The following TMEM178B variants were observed in gnomAD, a reference collection of about 807,000 sequenced individuals.
TMEM178B encodes the protein transmembrane protein 178B.
TMEM178B carries 5 observed loss-of-function variants against 31.0 expected under a neutral mutation model. The ratio of observed to expected loss-of-function variants is 0.16; its 90% CI spans 0.08 to 0.34. The LOEUF is 0.34. Among genes scored for constraint, TMEM178B ranks in the 10% least tolerant of loss-of-function variants. The pLI is 1.00. For synonymous variants in TMEM178B, 164 were observed against 164.0 expected, an observed-to-expected ratio of 1.00 and a Z score of 0.00; for missense variants, 275 against 400.3, an observed-to-expected ratio of 0.69 and a Z score of 2.67.
chr7:141,191,481 A>C (rs925543630), intron 1 of TMEM178B, among the ~76,000 whole-genome samples: 1 of 152,198 alleles, frequency 6.6e-6, no homozygotes. Flanking sequence ...GCCACTCACG[A>C]CAGTGTCTGG....
At chr7:141,380,279 C>CA (rs1800290139) in intron 2 of TMEM178B, among the ~76,000 whole-genome samples, 1 of 151,926 alleles carries the variant, frequency 6.6e-6, no homozygotes, top group African/African-American at 2.4e-5. Context: ...TCACTGTGCA[C>CA]AAAATCTAAT....
intron 1 of TMEM178B, among the ~76,000 whole-genome samples, chr7:141,192,006 G>T (rs563103359): frequency 6.6e-6 from 1 of 152,266 alleles, no homozygotes; most frequent in South Asian, 2.1e-4. Flanking sequence ...CTGGTTTAAG[G>T]TGCAAGGTGT....
intron 3 of TMEM178B, among the ~76,000 whole-genome samples, chr7:141,442,259 C>T (rs1015878675): frequency 6.6e-6 from 1 of 152,156 alleles, no homozygotes; most frequent in African/African-American, 2.4e-5. Context: ...AGACATCCAT[C>T]ACCTCCTCCC....
At chr7:141,206,590 T>C (rs12703369) in intron 1 of TMEM178B, among the ~76,000 whole-genome samples, 100,417 of 151,942 alleles carry the variant, frequency 0.66, 33,635 homozygotes, top group Middle Eastern at 0.7. Flanking sequence ...TGTGACTCTC[T>C]GCCAAAGGCC....
rs565915003 is a variant in TMEM178B, at chr7:141,286,608, C to T, written c.496+73904C>T. On this transcript the variant is annotated intron_variant, in intron 2 of 3. Coordinates refer to ENST00000565468, the MANE Select transcript of TMEM178B (RefSeq NM_001195278.2). ...CATTTGCTGTCCATGCGAGCCTGTCCAACCTCGGGGAGAATCACACTTACC... is the reference window on the plus strand; with the variant it reads ...CATTTGCTGTCCATGCGAGCCTGTCTAACCTCGGGGAGAATCACACTTACC... 6.6e-4 allele frequency among the ~76,000 whole-genome samples: 101 copies of T among 152,298 alleles called. 1 individual carries two copies. In the South Asian group the frequency reaches 0.019, roughly 28 times the overall value.
chr7:141,226,817 C>G (rs529927839), intron 2 of TMEM178B, among the ~76,000 whole-genome samples: 113 of 145,158 alleles, frequency 7.8e-4, no homozygotes, highest in African/African-American at 2.9e-3. Flanking sequence ...GAAGTTGCAC[C>G]ACTGCACTCC....
At chr7:141,358,540 T>G (rs753747588) in intron 2 of TMEM178B, among the ~76,000 whole-genome samples, 34 of 152,286 alleles carry the variant, frequency 2.2e-4, no homozygotes, top group Middle Eastern at 6.8e-3. Flanking sequence ...AAACCAACTC[T>G]TTGTATACAT....
rs1802060943 is a variant in TMEM178B, at chr7:141,461,609, A to G, written c.635-8927A>G. 6.6e-6 allele frequency among the ~76,000 whole-genome samples: 1 copy of G among 152,194 alleles called. No homozygotes were observed. The highest frequency in any genetic ancestry group is 2.4e-5 in the African/African-American group (1 of 41,448). On this transcript the variant is annotated intron_variant, in intron 3 of 3. Coordinates refer to ENST00000565468, the MANE Select transcript of TMEM178B (RefSeq NM_001195278.2). This position sits in a 1 kb window ranked among gnomAD's most constrained non-coding sequence, Gnocchi z 4.0. ...TTCTGCTGCCTAGCCTGAGGCCTCA[A>G]TTTTGATGCTGTTTCTCCACAGCGT...
intron 2 of TMEM178B, among the ~76,000 whole-genome samples, chr7:141,365,709 G>A (rs1005791119): frequency 6.6e-6 from 1 of 152,208 alleles, no homozygotes; most frequent in Non-Finnish European, 1.5e-5. Flanking sequence ...ATGACATTCT[G>A]TCTGCAGGTG....
rs144568135 is a variant in TMEM178B at position 141,278,342 on chromosome 7, G to A, written c.496+65638G>A. 3.5e-3 allele frequency among the ~76,000 whole-genome samples: 534 copies of A among 152,344 alleles called. 2 individuals carry two copies. Among genetic ancestry groups the A allele is most frequent in the African/African-American group, 0.012 (512 of 41,586 alleles). On this transcript the variant is annotated intron_variant, in intron 2 of 3. Coordinates refer to ENST00000565468, the MANE Select transcript of TMEM178B (RefSeq NM_001195278.2). ...CGCACCTGTAGTCCCAACACTTTGGGAGGCCGAGGCCAGTAGATCACTTGA... is the reference window on the plus strand; with the variant it reads ...CGCACCTGTAGTCCCAACACTTTGGAAGGCCGAGGCCAGTAGATCACTTGA...
intron 2 of TMEM178B, chr7:141,416,527 AT>A (rs1178414149): frequency 6.6e-6 from 1 of 152,192 alleles, no homozygotes; most frequent in East Asian, 1.9e-4. Flanking sequence ...TGCCTTAAAT[AT>A]TTTACCCATC....
intron 1 of TMEM178B, among the ~76,000 whole-genome samples, chr7:141,091,166 C>T (rs1348749411): frequency 1.3e-5 from 2 of 151,952 alleles, no homozygotes; most frequent in Non-Finnish European, 2.9e-5. Flanking sequence ...CACTTTCTGC[C>T]CAAGTTGTAT....
chr7:141,443,263 A>T (rs1801694472), intron 3 of TMEM178B, among the ~76,000 whole-genome samples: 1 of 152,320 alleles, frequency 6.6e-6, no homozygotes, highest in South Asian at 2.1e-4. Context: ...GTTATTACTA[A>T]TGAGTAAATA....
chr7:141,488,896 A>G, the TMEM178B span, among the ~76,000 whole-genome samples: 25 of 152,026 alleles, frequency 1.6e-4, no homozygotes, highest in African/African-American at 5.3e-4. Context: ...TCTTAAATTT[A>G]ATTTTTTTCC....
intron 2 of TMEM178B, among the ~76,000 whole-genome samples, chr7:141,402,696 T>A (rs867006693): frequency 6.6e-6 from 1 of 152,174 alleles, no homozygotes; most frequent in Non-Finnish European, 1.5e-5. Flanking sequence ...GAGATAGATG[T>A]TGTAACTTTG....
intron 2 of TMEM178B, among the ~76,000 whole-genome samples, chr7:141,351,374 A>C (rs1461139282): frequency 6.6e-6 from 1 of 152,256 alleles, no homozygotes; most frequent in Non-Finnish European, 1.5e-5. Context: ...GAATGGCCTT[A>C]GCCGGAACGG....
At chr7:141,172,110 A>AT (rs1215527558) in intron 1 of TMEM178B, among the ~76,000 whole-genome samples, 5 of 152,202 alleles carry the variant, frequency 3.3e-5, no homozygotes, top group African/African-American at 1.2e-4. Flanking sequence ...GCATATAGAG[A>AT]TTAAATACCT....
chr7:141,229,773 AAAAATAG>A (rs998430333), intron 2 of TMEM178B, among the ~76,000 whole-genome samples: 1 of 152,126 alleles, frequency 6.6e-6, no homozygotes, highest in African/African-American at 2.4e-5. Flanking sequence ...AAATTAAAAA[AAAAATAG>A]TGGAGAGGAT....
At chr7:141,278,827 TA>T (rs1734830308) in intron 2 of TMEM178B, among the ~76,000 whole-genome samples, 1 of 152,140 alleles carries the variant, frequency 6.6e-6, no homozygotes, top group African/African-American at 2.4e-5. Flanking sequence ...GGGTGAAATT[TA>T]AGAATAATCG....
Sources: allele counts gnomAD v4.1 joint callset (sites outside exome capture counted in the v4.1 genomes callset), GRCh38; gene constraint gnomAD v4.1.1; non-coding constraint Gnocchi (gnomAD v3.1); transcripts MANE v1.5; gene names NCBI Gene and HGNC (gene_info 2026-07-23, HGNC 2026-07-21).